SCEL: variants seen among roughly 807,000 people sequenced by gnomAD.
SCEL encodes sciellin.
A neutral mutation model predicts 117.6 loss-of-function variants in SCEL; 113 were observed. That is an observed-to-expected ratio of 0.96 (90% CI 0.83 to 1.12). The LOEUF (loss-of-function observed/expected upper bound fraction) is 1.12. SCEL is among the 50% of genes most tolerant of loss of function. The pLI is 0.00. For missense variants in SCEL, 785 were observed against 810.8 expected, an observed-to-expected ratio of 0.97 and a Z score of 0.39; for synonymous variants, 270 against 256.2, an observed-to-expected ratio of 1.05 and a Z score of -0.51.
intron 11 of SCEL, among the ~76,000 whole-genome samples, chr13:77,592,023 C>G (rs891490718): frequency 3.9e-5 from 6 of 152,028 alleles, no homozygotes; most frequent in African/African-American, 1.4e-4. Context: ...CTTTTTCTCC[C>G]TTTTCTAAGG....
At chr13:77,594,708 T>C (rs1421082668) in intron 12 of SCEL, among the ~76,000 whole-genome samples, 1 of 152,242 alleles carries the variant, frequency 6.6e-6, no homozygotes, top group Non-Finnish European at 1.5e-5. Flanking sequence ...ACATGATGCT[T>C]TGTACACAGT....
intron 20 of SCEL, 23 bp from the exon 21 acceptor site, chr13:77,609,035 G>GTTTT: frequency 6.5e-7 from 1 of 1,545,652 alleles, no homozygotes; most frequent in Non-Finnish European, 8.8e-7. Context: ...TATTTATGAT[G>GTTTT]TTTTTTGTTT....
intron 9 of SCEL, among the ~76,000 whole-genome samples, chr13:77,573,458 T>G (rs773135628): frequency 6.6e-6 from 1 of 152,228 alleles, no homozygotes; most frequent in Non-Finnish European, 1.5e-5. Flanking sequence ...ATTGGTTTAT[T>G]TTATAGAATT....
intron 1 of SCEL, among the ~76,000 whole-genome samples, chr13:77,551,473 A>G (rs1339027851): frequency 6.6e-6 from 1 of 152,170 alleles, no homozygotes; most frequent in African/African-American, 2.4e-5. Flanking sequence ...GACTTAAATA[A>G]CAGAAAATCA....
chr13:77,644,403 C>T lies in SCEL; in HGVS notation c.*129C>T. ...CAACTCTTGTACAAAATTAACAATTCTGTTATTGCATAAGTAATCTAATTG... is the reference window on the plus strand; with the variant it reads ...CAACTCTTGTACAAAATTAACAATTTTGTTATTGCATAAGTAATCTAATTG... On this transcript the variant is annotated 3_prime_UTR_variant, in exon 33 of 33. Transcript: ENST00000349847. The T allele has an allele frequency of 1.1e-6, 1 of 881,412 alleles. No homozygotes were observed. Among genetic ancestry groups the T allele is most frequent in the African/African-American group, 1.7e-5 (1 of 58,798 alleles). The allele number at this position is 881,412 out of a possible 1,614,324, so 54.6% of individuals were successfully genotyped here.
intron 9 of SCEL, among the ~76,000 whole-genome samples, chr13:77,577,997 A>C (rs2086050932): frequency 6.6e-6 from 1 of 152,190 alleles, no homozygotes; most frequent in Non-Finnish European, 1.5e-5. Context: ...TTATCATAAC[A>C]AAACACAACA....
At chr13:77,602,177 T>C in intron 16 of SCEL, 53 bp downstream of exon 16, 1 of 1,464,154 alleles carries the variant, frequency 6.8e-7, no homozygotes, top group Non-Finnish European at 9.4e-7. Flanking sequence ...TTAGCTTTTT[T>C]ACCTCATTAG....
intron 9 of SCEL, among the ~76,000 whole-genome samples, chr13:77,574,752 A>G (rs968088405): frequency 3.3e-5 from 5 of 152,216 alleles, no homozygotes; most frequent in Non-Finnish European, 7.4e-5. Flanking sequence ...GAAAATGGAA[A>G]TAGGTCAAAA....
In SCEL at chr13:77,543,081, G is replaced by GCT. The variant is rs1249519171; in HGVS notation, c.-20+7258_-20+7259dup. Reference sequence around the variant, plus strand: ...GTATTTGTTTATTTATTCTACTTTAGCTTTTTTTTTTTTTTTTTTTGAGAC... The same window carrying GCT: ...GTATTTGTTTATTTATTCTACTTTAGCTCTTTTTTTTTTTTTTTTTTTGAGAC... On this transcript the variant is annotated intron_variant, in intron 1 of 32. Coordinates refer to ENST00000349847, the MANE Select transcript of SCEL (RefSeq NM_144777.3). 1.3e-3 allele frequency among the ~76,000 whole-genome samples: 177 copies of GCT among 133,660 alleles called. 1 individual carries two copies. Among genetic ancestry groups the GCT allele is most frequent in the African/African-American group, 4.9e-3 (165 of 33,740 alleles). 87.7% of individuals were successfully genotyped at this position (133,660 alleles called of 152,430 possible).
chr13:77,643,969 G>A (rs985944304), intron 32 of SCEL, among the ~76,000 whole-genome samples: 5 of 152,082 alleles, frequency 3.3e-5, no homozygotes, highest in African/African-American at 1.2e-4. Flanking sequence ...AAAAGACTCA[G>A]AAGTTTTTAT....
intron 28 of SCEL, among the ~76,000 whole-genome samples, chr13:77,628,366 G>C (rs900242345): frequency 6.6e-6 from 1 of 151,860 alleles, no homozygotes; most frequent in South Asian, 2.1e-4. Flanking sequence ...ACTTACTGTT[G>C]CTTGGTAAGC....
At chr13:77,559,782 T>C (rs375815326) in intron 3 of SCEL, 22 bp from the exon 4 acceptor site, 18 of 1,609,746 alleles carry the variant, frequency 1.1e-5, no homozygotes, top group South Asian at 4.4e-5. Context: ...CTATGTGACA[T>C]ACTTTTGTTC....
At chr13:77,606,185 G>A (rs1417546638) in intron 19 of SCEL, among the ~76,000 whole-genome samples, 1 of 152,144 alleles carries the variant, frequency 6.6e-6, no homozygotes, top group Non-Finnish European at 1.5e-5. Context: ...CATTGCATGT[G>A]TGTACGTTGT....
intron 3 of SCEL, among the ~76,000 whole-genome samples, chr13:77,557,707 T>C (rs1306154479): frequency 1.3e-5 from 2 of 152,198 alleles, no homozygotes; most frequent in African/African-American, 4.8e-5. Flanking sequence ...GTTGTTAAAA[T>C]TGAGGAGTGC....
At chr13:77,536,274 T>C (rs1278708721) in intron 1 of SCEL, among the ~76,000 whole-genome samples, 1 of 152,202 alleles carries the variant, frequency 6.6e-6, no homozygotes, top group East Asian at 1.9e-4. Context: ...GTCATATTTA[T>C]TTTTTTCTCT....
intron 15 of SCEL, among the ~76,000 whole-genome samples, chr13:77,600,315 G>T (rs1425027741): frequency 2.0e-5 from 3 of 151,994 alleles, no homozygotes; most frequent in Non-Finnish European, 4.4e-5. Context: ...TTTTAGTAGA[G>T]ATGGTGTTTT....
intron 12 of SCEL, among the ~76,000 whole-genome samples, chr13:77,596,719 G>GTA (rs1555511416): frequency 6.6e-6 from 1 of 151,724 alleles, no homozygotes; most frequent in Admixed American, 6.6e-5. Flanking sequence ...GTGTGTGTGT[G>GTA]TGTGGTCGGG....
intron 27 of SCEL, among the ~76,000 whole-genome samples, chr13:77,627,147 C>G (rs1326055531): frequency 6.6e-6 from 1 of 152,062 alleles, no homozygotes; most frequent in Admixed American, 6.6e-5. Context: ...ATCCCCAAAG[C>G]CTAAATAAGG....
Position 77,603,114 on chromosome 13 carries a change from A to C in SCEL, c.1076A>C (p.Lys359Thr). The change falls in exon 18 of 33, where the codon AAA (lysine) becomes ACA (threonine). Residue 359 changes from lysine (K) to threonine (T), a missense_variant. Coordinates refer to ENST00000349847, the MANE Select transcript of SCEL (RefSeq NM_144777.3). ...GATAATGCTACTGAAGTAAATCCCA[A>C]AGGACATGAAAATACCACTGGGTAA... ...DLDNATEVNP[K>T]GHENTTGKKD... 2 of 1,566,924 alleles carry C rather than the reference A, an allele frequency of 1.3e-6. No homozygotes were observed. The highest frequency in any genetic ancestry group is 2.4e-5 in the South Asian group (2 of 84,670).
Sources: gnomAD v4.1 joint callset for allele counts (sites outside exome capture counted in the v4.1 genomes callset) on GRCh38, gnomAD v4.1.1 for gene constraint, MANE v1.5 for transcripts, NCBI Gene and HGNC (gene_info 2026-07-23, HGNC 2026-07-21) for gene names.